The following SLC12A9 variants were observed in gnomAD, a reference collection of about 807,000 sequenced individuals.
SLC12A9 encodes CCC-interacting protein 1.
Under a neutral mutation model 66.0 loss-of-function variants are expected in SLC12A9, and 55 were observed. The ratio of observed to expected loss-of-function variants is 0.83; its 90% CI spans 0.67 to 1.04. The LOEUF is 1.04. SLC12A9 is among the 50% of genes least tolerant of loss of function. The pLI is 0.00. For missense variants in SLC12A9, 1,061 were observed against 1,241.9 expected, an observed-to-expected ratio of 0.85 and a Z score of 2.19; for synonymous variants, 577 against 569.0, an observed-to-expected ratio of 1.01 and a Z score of -0.20.
At chr7:100,857,233 G>A in intron 5 of SLC12A9, 57 bp downstream of exon 5, 3 of 1,554,442 alleles carry the variant, frequency 1.9e-6, no homozygotes, top group Non-Finnish European at 1.7e-6. Context: ...CAGACGTCGG[G>A]CCGGGCCCGT....
intron 3 of SLC12A9, chr7:100,855,491 C>A: frequency 1.8e-6 from 1 of 561,822 alleles, no homozygotes; most frequent in Non-Finnish European, 3.2e-6. Context: ...CATTGCCCTG[C>A]ACGTTGATGC....
At chr7:100,837,386 G>A (rs1349476086) in intron 1 of SLC12A9, 8 of 152,224 alleles carry the variant, frequency 5.3e-5, no homozygotes, top group Admixed American at 4.6e-4. Flanking sequence ...CACACAATTC[G>A]CGCCTTCCCA....
chr7:100,851,544 C>G (rs533117761), upstream of SLC12A9, among the ~76,000 whole-genome samples: 1 of 151,794 alleles, frequency 6.6e-6, no homozygotes, highest in Admixed American at 6.6e-5. Context: ...CTGCCTCAGC[C>G]TCCTAAGTAG....
intron 1 of SLC12A9, among the ~76,000 whole-genome samples, chr7:100,832,920 C>T (rs751000950): frequency 6.6e-6 from 1 of 151,828 alleles, no homozygotes; most frequent in Non-Finnish European, 1.5e-5. Flanking sequence ...AGACTACAGG[C>T]GTGTGCCACC....
intron 12 of SLC12A9, among the ~76,000 whole-genome samples, chr7:100,862,323 A>G (rs958037642): frequency 6.6e-6 from 1 of 151,956 alleles, no homozygotes; most frequent in East Asian, 1.9e-4. Flanking sequence ...CAGTGGTGCC[A>G]TCATAGTTCA....
chr7:100,859,521 G>C (rs1259464342), intron 7 of SLC12A9: 2 of 369,274 alleles, frequency 5.4e-6, no homozygotes, highest in African/African-American at 2.1e-5. Flanking sequence ...TTCCAGACCA[G>C]CCTGGGCAAC....
At chr7:100,846,223 C>T (rs1229706707) in intron 1 of SLC12A9, among the ~76,000 whole-genome samples, 2 of 152,200 alleles carry the variant, frequency 1.3e-5, no homozygotes, top group Non-Finnish European at 2.9e-5. Flanking sequence ...GTAATAGGAA[C>T]CTGCTTACTG....
At chr7:100,830,497 G>A (rs1813523845) in intron 1 of SLC12A9, among the ~76,000 whole-genome samples, 1 of 151,798 alleles carries the variant, frequency 6.6e-6, no homozygotes, top group Admixed American at 6.6e-5. Context: ...AACATAGCGA[G>A]ACCCTGTCTA....
At chr7:100,859,745 A>T in intron 7 of SLC12A9, 140 bp from the exon 8 acceptor site, 2 of 1,064,764 alleles carry the variant, frequency 1.9e-6, no homozygotes, top group Non-Finnish European at 1.3e-6. Context: ...CTGAGTGATT[A>T]AATCCAAGGC....
At chr7:100,859,803 G>A (rs1299306833) in intron 7 of SLC12A9, 82 bp from the exon 8 acceptor site, 5 of 1,491,852 alleles carry the variant, frequency 3.4e-6, no homozygotes, top group East Asian at 2.3e-5. Context: ...TGATATCTGA[G>A]TCTGATCCTT....
chr7:100,849,078 C>T (rs2116555712), upstream of SLC12A9, among the ~76,000 whole-genome samples: 1 of 151,512 alleles, frequency 6.6e-6, no homozygotes, highest in Admixed American at 6.6e-5. Flanking sequence ...AGGCGTGTAC[C>T]ACCAGGCCCA....
At chr7:100,848,104 A>AG (rs1308273732), upstream of SLC12A9, among the ~76,000 whole-genome samples, 1 of 150,786 alleles carries the variant, frequency 6.6e-6, no homozygotes, top group African/African-American at 2.5e-5. Flanking sequence ...AAAAAAAAAA[A>AG]AAAATAGAAA....
At chr7:100,840,707 A>C (rs1460179810) in intron 1 of SLC12A9, among the ~76,000 whole-genome samples, 1 of 150,986 alleles carries the variant, frequency 6.6e-6, no homozygotes, top group Non-Finnish European at 1.5e-5. Context: ...AAAGAAAGTC[A>C]AAGAGAGACA....
chr7:100,835,258 G>A (rs1813626484), intron 1 of SLC12A9, among the ~76,000 whole-genome samples: 2 of 151,866 alleles, frequency 1.3e-5, no homozygotes, highest in African/African-American at 4.8e-5. Context: ...GGGAGGCTGA[G>A]GCAGGAGAAT....
At chr7:100,843,899 G>A (rs2116535100) in intron 1 of SLC12A9, among the ~76,000 whole-genome samples, 1 of 152,254 alleles carries the variant, frequency 6.6e-6, no homozygotes, top group East Asian at 1.9e-4. Flanking sequence ...GTTTATCCTA[G>A]CAGGCCCAAC....
chr7:100,866,655 C>T lies in SLC12A9; in HGVS notation c.*50C>T, dbSNP rs1169874322. 1.4e-6 allele frequency: 2 copies of T among 1,443,070 alleles called. No individual in the cohort carries two copies. Among genetic ancestry groups the T allele is most frequent in the African/African-American group, 1.4e-5 (1 of 69,338 alleles). 89.4% of individuals were successfully genotyped at this position (1,443,070 alleles called of 1,614,324 possible). Reference sequence around the variant, plus strand: ...GAGAGGGCCCAGGCAGGCGGCCTATCCTGATCCTTGGAGGAGGAGGAAGAG... The same window carrying T: ...GAGAGGGCCCAGGCAGGCGGCCTATTCTGATCCTTGGAGGAGGAGGAAGAG... On this transcript the variant is annotated 3_prime_UTR_variant, in exon 14 of 14. Transcript: ENST00000354161. The surrounding 1 kb of genome is among the most constrained non-coding windows in gnomAD (Gnocchi z 7.3).
chr7:100,844,526 T>A (rs1443120115), intron 1 of SLC12A9, among the ~76,000 whole-genome samples: 1 of 152,036 alleles, frequency 6.6e-6, no homozygotes, highest in Non-Finnish European at 1.5e-5. Flanking sequence ...AGAGGCTATA[T>A]GGCAGAAAAT....
Position 100,858,883 on chromosome 7 carries a change from G to T in SLC12A9, c.806G>T (p.Ser269Ile), listed in dbSNP as rs570560689. 1.2e-6 allele frequency: 2 copies of T among 1,614,118 alleles called. No homozygotes were observed. Among genetic ancestry groups the T allele is most frequent in the African/African-American group, 2.7e-5 (2 of 74,944 alleles). ...YTTGAVMNFA[S>I]VFAVLFNGCT... ...ACGGGAGCCGTGATGAATTTTGCCA[G>T]CGTCTTTGCTGTCCTCTTTAACGGC... Residue 269 changes from serine (S) to isoleucine (I), a missense_variant, in exon 6 of 14, where the codon AGC becomes ATC. By Grantham distance (142) the Ser-to-Ile change is moderately radical. Transcript: ENST00000354161.
intron 1 of SLC12A9, among the ~76,000 whole-genome samples, chr7:100,845,176 G>A (rs1327957115): frequency 6.6e-6 from 1 of 151,274 alleles, no homozygotes; most frequent in African/African-American, 2.4e-5. Flanking sequence ...AAACCACACA[G>A]AGAAAAATCC....
Sources: gnomAD v4.1 joint callset for allele counts (sites outside exome capture counted in the v4.1 genomes callset) on GRCh38, gnomAD v4.1.1 for gene constraint, Gnocchi (gnomAD v3.1) non-coding constraint, MANE v1.5 for transcripts, NCBI Gene and HGNC (gene_info 2026-07-23, HGNC 2026-07-21) for gene names.